Variants in CYP11B1 observed in about 807,000 individuals in gnomAD.
CYP11B1 encodes cytochrome P450 11B1, mitochondrial.
A neutral mutation model predicts 48.3 loss-of-function variants in CYP11B1; 34 were observed. The observed-to-expected ratio is 0.70, with a 90% CI of 0.54 to 0.94. The LOEUF is 0.94. Among genes scored for constraint, CYP11B1 ranks in the 40% least tolerant of loss-of-function variants. The pLI is 0.00. For missense variants in CYP11B1, 688 were observed against 657.4 expected, an observed-to-expected ratio of 1.05 and a Z score of -0.51; for synonymous variants, 291 against 262.5, an observed-to-expected ratio of 1.11 and a Z score of -1.05.
At position 142,874,991 on chromosome 8, in the gene CYP11B1, A is replaced by T. The variant is rs373649246; in HGVS notation, c.1364T>A (p.Leu455Gln). The T allele has an allele frequency of 6.2e-7, 1 of 1,614,000 alleles. No individual in the cohort carries two copies. Among genetic ancestry groups the T allele is most frequent in the Non-Finnish European group, 8.5e-7 (1 of 1,180,050 alleles). ...CAGCAGCAGCATCTCTGCCTCTGCC[A>T]GGCGCCGCCCAAGGCACTGGCGCAT... ...FGMRQCLGRR[L>Q]AEAEMLLLLH... is the part of the protein sequence containing the mutation. The change falls in exon 8 of 9, where the codon CTG becomes CAG. Residue 455 changes from leucine (L) to glutamine (Q), a missense_variant. Coordinates refer to ENST00000292427, the MANE Select transcript of CYP11B1 (RefSeq NM_000497.4).
chr8:142,876,593 C>T (rs1816958779), intron 4 of CYP11B1, 89 bp downstream of exon 4: 3 of 1,557,006 alleles, frequency 1.9e-6, no homozygotes, highest in Non-Finnish European at 2.6e-6. Flanking sequence ...CTCCCTGTGG[C>T]CTCCATTCCC....
rs1817061379 is a variant in CYP11B1 at position 142,879,154 on chromosome 8, C to G, written c.273G>C (p.Val91=). Residue 91 remains valine (V), a synonymous_variant, in exon 2 of 9, where the codon GTG becomes GTC. Transcript: ENST00000292427. Reference sequence around the variant, plus strand: ...GCTTCTCCACGTCCTCCGGCAGCATCACACACACCATGCCTGCTCCTCCCA... The same window carrying G: ...GCTTCTCCACGTCCTCCGGCAGCATGACACACACCATGCCTGCTCCTCCCA... The part of the protein sequence containing the change: ...YDLGGAGMVC[V]MLPEDVEKLQ... 2 of 1,613,928 alleles carry G rather than the reference C, an allele frequency of 1.2e-6. No homozygotes were observed. Among genetic ancestry groups the G allele is most frequent in the Non-Finnish European group, 1.7e-6 (2 of 1,179,868 alleles).
At chr8:142,877,663 CCTGGGCA>C (rs1436912522) in intron 2 of CYP11B1, 1 of 1,368,764 alleles carries the variant, frequency 7.3e-7, no homozygotes, top group African/African-American at 1.5e-5. Flanking sequence ...CCTTCCCTGC[CCTGGGCA>C]CAGTGCCTCT....
In CYP11B1 at chr8:142,875,314, T is replaced by A; in HGVS notation, c.1122-2A>T. On this transcript the variant is annotated splice_acceptor_variant, in intron 6 of 8. Transcript: ENST00000292427. LOFTEE classifies it high-confidence loss of function. Reference sequence around the variant, plus strand: ...AGAAACAGACCCACAGGGTAGAGCCTGGAGGTGGGGGCATCCATAGAAAGG... The same window carrying A: ...AGAAACAGACCCACAGGGTAGAGCCAGGAGGTGGGGGCATCCATAGAAAGG... 3 of 1,612,226 alleles carry A rather than the reference T, an allele frequency of 1.9e-6. No homozygotes were observed. The highest frequency in any genetic ancestry group is 2.5e-6 in the Non-Finnish European group (3 of 1,179,738).
At position 142,874,972 on chromosome 8, in the gene CYP11B1, C is replaced by A; in HGVS notation, c.1383G>T (p.Leu461=). The part of the protein sequence containing the change: ...LGRRLAEAEM[L]LLLHHVLKHL... ...GCCTGCTCACATGGTGCAGCAGCAG[C>A]AGCATCTCTGCCTCTGCCAGGCGCC... Residue 461 remains leucine, a synonymous_variant, in exon 8 of 9, where the codon CTG becomes CTT. Coordinates refer to ENST00000292427, the MANE Select transcript of CYP11B1 (RefSeq NM_000497.4). 1 of 1,613,782 alleles carries A rather than the reference C, an allele frequency of 6.2e-7. No individual in the cohort carries two copies. The highest frequency in any genetic ancestry group is 8.5e-7 in the Non-Finnish European group (1 of 1,180,030).
chr8:142,877,760 C>T (rs368303228), intron 2 of CYP11B1: 191 of 1,597,946 alleles, frequency 1.2e-4, no homozygotes, highest in Non-Finnish European at 1.5e-4. Context: ...TCCTCACCTA[C>T]AGCCAGAGTG....
At chr8:142,876,651 C>G in intron 4 of CYP11B1, 31 bp downstream of exon 4, 4 of 1,589,692 alleles carry the variant, frequency 2.5e-6, no homozygotes, top group South Asian at 1.1e-5. Flanking sequence ...GTGTCCCTTC[C>G]CCATAGCACT....
rs1816847558 is a variant in CYP11B1, at chr8:142,873,379, G to A, written c.*994C>T. The A allele has an allele frequency of 6.6e-6, 1 of 152,238 alleles. No individual in the cohort carries two copies. Among genetic ancestry groups the A allele is most frequent in the African/African-American group, 2.4e-5 (1 of 41,442 alleles). The allele number at this position is 152,238 out of a possible 1,614,324, so 9.4% of individuals were successfully genotyped here. ...GGAGCACTGGGGAGTGGCCAGTTCA[G>A]GAGGGGTCAACTCTCTCTGCTGGGC... is the stretch of plus-strand genomic sequence containing the variant. On this transcript the variant is annotated 3_prime_UTR_variant, in exon 9 of 9. Transcript: ENST00000292427.
rs745832184 is a variant in CYP11B1, at chr8:142,879,610, T to C, written c.204A>G (p.Val68=). 4 of 1,614,082 alleles carry C rather than the reference T, an allele frequency of 2.5e-6. No individual in the cohort carries two copies. The highest frequency in any genetic ancestry group is 2.2e-5 in the East Asian group (1 of 44,878). ...GCCCTAGTTCCTGGAAGGTCTGGTG[T>C]ACTTCCAGGTGCAGGTCCTCATAAC... ...EQGYEDLHLE[V]HQTFQELGPI... is the part of the protein sequence containing the mutation. The change falls in exon 1 of 9, where the codon GTA becomes GTG. Residue 68 remains valine (V), a synonymous_variant. Coordinates refer to ENST00000292427, the MANE Select transcript of CYP11B1 (RefSeq NM_000497.4).
At chr8:142,879,455 T>C (rs766903059) in intron 1 of CYP11B1, 120 bp downstream of exon 1, 55 of 1,613,672 alleles carry the variant, frequency 3.4e-5, no homozygotes, top group Non-Finnish European at 3.9e-5. Context: ...CTTCCCCATC[T>C]TCCAAAGGAT....
rs1816888129 is a variant in CYP11B1 at position 142,874,996 on chromosome 8, C to T, written c.1359G>A (p.Arg453=). The T allele has an allele frequency of 1.2e-6, 2 of 1,614,052 alleles. No individual in the cohort carries two copies. The highest frequency in any genetic ancestry group is 1.7e-5 in the Admixed American group (1 of 60,010). Residue 453 remains arginine (R), a synonymous_variant, in exon 8 of 9, where the codon CGG becomes CGA. Coordinates refer to ENST00000292427, the MANE Select transcript of CYP11B1 (RefSeq NM_000497.4). ...FGFGMRQCLG[R]RLAEAEMLLL... is the part of the protein sequence containing the mutation. ...GCAGCATCTCTGCCTCTGCCAGGCG[C>T]CGCCCAAGGCACTGGCGCATGCCAA...
rs1291436188 is a variant in CYP11B1, at chr8:142,874,950, T to A, written c.1398+7A>T. 1 of 1,612,966 alleles carries A rather than the reference T, an allele frequency of 6.2e-7. No individual in the cohort carries two copies. The highest frequency in any genetic ancestry group is 1.7e-5 in the Admixed American group (1 of 60,028). ...CCCAGGCCCCTCCCCAGCCCGGGCCTGCTCACATGGTGCAGCAGCAGCAGC... is the reference window on the plus strand; with the variant it reads ...CCCAGGCCCCTCCCCAGCCCGGGCCAGCTCACATGGTGCAGCAGCAGCAGC... On this transcript the variant is annotated splice_region_variant and intron_variant, in intron 8 of 8. Coordinates refer to ENST00000292427, the MANE Select transcript of CYP11B1 (RefSeq NM_000497.4).
rs753228911 is a variant in CYP11B1, at chr8:142,879,757, T to C, written c.57A>G (p.Gln19=). 9 of 1,614,208 alleles carry C rather than the reference T, an allele frequency of 5.6e-6. No homozygotes were observed. The Admixed American group carries it at 1.5e-4, about 27-fold the overall frequency. The change falls in exon 1 of 9, where the codon CAA becomes CAG. Residue 19 remains glutamine, a synonymous_variant. Transcript: ENST00000292427. Reference sequence around the variant, plus strand: ...CTCTCGTGCCCAGTGCCTGTGCCCTTTGCAGGGACAGCCAGGGCACTGCCA... The same window carrying C: ...CTCTCGTGCCCAGTGCCTGTGCCCTCTGCAGGGACAGCCAGGGCACTGCCA... ...VCMAVPWLSL[Q]RAQALGTRAA... is the part of the protein sequence containing the mutation.
chr8:142,874,806 A>T, intron 8 of CYP11B1, 151 bp downstream of exon 8: 3 of 991,216 alleles, frequency 3.0e-6, no homozygotes, highest in Non-Finnish European at 3.0e-6. Context: ...CACAGCCTCA[A>T]CCTGGCCCAG....
At chr8:142,874,922 C>T (rs1271134029) in intron 8 of CYP11B1, 35 bp downstream of exon 8, 6 of 1,609,860 alleles carry the variant, frequency 3.7e-6, no homozygotes, top group African/African-American at 2.7e-5. Flanking sequence ...TGCCCAGACC[C>T]CGCCCAGGCC....
At position 142,876,250 on chromosome 8, in the gene CYP11B1, G is replaced by A. The variant is rs372647044; in HGVS notation, c.945C>T (p.Ser315=). ...KANSMELTAG[S]VDTTVFPLLM... ...TGGTTGCCGGCCTGACCGTGTCCAC[G>A]CTCCCTGCAGTGAGTTCCATAGAGT... is the stretch of plus-strand genomic sequence containing the variant. Residue 315 remains serine, a synonymous_variant, in exon 5 of 9, where the codon AGC becomes AGT. Coordinates refer to ENST00000292427, the MANE Select transcript of CYP11B1 (RefSeq NM_000497.4). 174 of 1,614,202 alleles carry A rather than the reference G, an allele frequency of 1.1e-4. 1 individual carries two copies. The South Asian group carries it at 1.7e-3, about 16-fold the overall frequency.
rs1165474782 is a variant in CYP11B1, at chr8:142,875,887, G to C, written c.955-9C>G. The C allele has an allele frequency of 4.3e-6, 7 of 1,613,976 alleles. No homozygotes were observed. The Admixed American group carries it at 1.0e-4, about 23-fold the overall frequency. On this transcript the variant is annotated splice_polypyrimidine_tract_variant and intron_variant, in intron 5 of 8. Transcript: ENST00000292427. ...AGCAAGGGAAACACCGTCTGCAGGA[G>C]ACACAGCTGCAGGGTCAGACCTTGC...
At chr8:142,876,066 C>T in intron 5 of CYP11B1, 175 bp downstream of exon 5, 2 of 1,132,914 alleles carry the variant, frequency 1.8e-6, no homozygotes, top group Admixed American at 2.1e-5. Flanking sequence ...AAGGAACCCC[C>T]CATTCCAACC....
Position 142,879,057 on chromosome 8 carries a change from C to G in CYP11B1, c.370G>C (p.Gly124Arg). The change falls in exon 2 of 9, where the codon GGG (glycine) becomes CGG (arginine). Residue 124 changes from glycine to arginine, a missense_variant. Gly to Arg is a moderately radical substitution (Grantham distance 125, BLOSUM62 -2). Coordinates refer to ENST00000292427, the MANE Select transcript of CYP11B1 (RefSeq NM_000497.4). ...EPWVAYRQHR[G>R]HKCGVFLLNG... Reference sequence around the variant, plus strand: ...AGCAAGAACACGCCACATTTGTGCCCACGATGTTGTCTGTAGGCCACCCAG... The same window carrying G: ...AGCAAGAACACGCCACATTTGTGCCGACGATGTTGTCTGTAGGCCACCCAG... The G allele has an allele frequency of 6.2e-7, 1 of 1,614,204 alleles. No individual in the cohort carries two copies. The highest frequency in any genetic ancestry group is 1.7e-5 in the Admixed American group (1 of 60,028).
Sources: gnomAD v4.1 joint callset for allele counts on GRCh38, gnomAD v4.1.1 for gene constraint, MANE v1.5 for transcripts, NCBI Gene and HGNC (gene_info 2026-07-23, HGNC 2026-07-21) for gene names.